NR3C2: variants seen among roughly 807,000 people sequenced by gnomAD.
The protein encoded by NR3C2 is nuclear receptor subfamily 3 group C member 2, also known as mineralocorticoid receptor.
NR3C2 carries 15 observed loss-of-function variants against 86.4 expected under a neutral mutation model. That is an observed-to-expected ratio of 0.17 (90% CI 0.12 to 0.27). The LOEUF (loss-of-function observed/expected upper bound fraction) is 0.27. Among genes scored for constraint, NR3C2 ranks in the 10% least tolerant of loss-of-function variants. The pLI is 1.00. For synonymous variants in NR3C2, 458 were observed against 450.5 expected, an observed-to-expected ratio of 1.02 and a Z score of -0.21; for missense variants, 960 against 1,195.6, an observed-to-expected ratio of 0.80 and a Z score of 2.91.
intron 4 of NR3C2, among the ~76,000 whole-genome samples, chr4:148,155,139 C>T (rs1734304462): frequency 6.6e-6 from 1 of 152,152 alleles, no homozygotes; most frequent in South Asian, 2.1e-4. Flanking sequence ...TGCCTGTCTC[C>T]TATAAGAGAC....
chr4:148,231,976 G>A (rs367849204), intron 3 of NR3C2, among the ~76,000 whole-genome samples: 2 of 151,928 alleles, frequency 1.3e-5, no homozygotes, highest in African/African-American at 2.4e-5. Flanking sequence ...ACATCTTCAC[G>A]GTCCACTTCT....
upstream of NR3C2, chr4:148,444,772 G>T (rs1295020633): frequency 1.0e-6 from 1 of 984,898 alleles, no homozygotes; most frequent in Non-Finnish European, 1.2e-6. Context: ...GCACCCGCCC[G>T]CCCCCAGCGG....
At chr4:148,399,645 C>T (rs991807008) in intron 2 of NR3C2, among the ~76,000 whole-genome samples, 3 of 151,592 alleles carry the variant, frequency 2.0e-5, no homozygotes, top group African/African-American at 7.3e-5. Context: ...CATAAACAAA[C>T]ACTACTCTCC....
At chr4:148,440,634 A>T (rs1450723748) in intron 1 of NR3C2, among the ~76,000 whole-genome samples, 1 of 152,240 alleles carries the variant, frequency 6.6e-6, no homozygotes, top group Non-Finnish European at 1.5e-5. Context: ...CAAAACACAA[A>T]AAAAAATTCA....
chr4:148,444,613 T>G (rs2126679639), upstream of NR3C2: 1 of 987,848 alleles, frequency 1.0e-6, no homozygotes, highest in Middle Eastern at 5.2e-4. Context: ...CACCAGCAAG[T>G]CCAATATTGG....
At position 148,153,334 on chromosome 4, in the gene NR3C2, C is replaced by T. The variant is rs998018970; in HGVS notation, c.2366-721G>A. Reference sequence around the variant, plus strand: ...CTGGGGTTACAGGTGCCTGCCAGGACGCCCAACTAAATTTTGTATTTTTAG... The same window carrying T: ...CTGGGGTTACAGGTGCCTGCCAGGATGCCCAACTAAATTTTGTATTTTTAG... On this transcript the variant is annotated intron_variant, in intron 5 of 8. Transcript: ENST00000358102. Among the ~76,000 whole-genome samples, 4 of 152,060 alleles carry T rather than the reference C, an allele frequency of 2.6e-5. No homozygotes were observed. The South Asian group carries it at 6.2e-4, about 24-fold the overall frequency.
intron 4 of NR3C2, among the ~76,000 whole-genome samples, chr4:148,159,935 T>C (rs1734579819): frequency 6.6e-6 from 1 of 152,196 alleles, no homozygotes; most frequent in Admixed American, 6.5e-5. Flanking sequence ...TGTTCCCAGG[T>C]GGCCAGACCC....
chr4:148,107,927 T>C lies in NR3C2; in HGVS notation c.2799+6177A>G, dbSNP rs148866077. Among the ~76,000 whole-genome samples the C allele has an allele frequency of 4.2e-3, 637 of 152,212 alleles. 4 individuals carry two copies. Among genetic ancestry groups the C allele is most frequent in the African/African-American group, 0.015 (607 of 41,516 alleles). On this transcript the variant is annotated intron_variant, in intron 8 of 8. Transcript: ENST00000358102. The stretch of plus-strand genomic sequence containing the variant: ...GCTTAAAACCTAGATGATGGGTTGA[T>C]AGGTGCAGCAAACCACCATGGCACA...
intron 2 of NR3C2, among the ~76,000 whole-genome samples, chr4:148,427,599 G>A (rs573734377): frequency 1.4e-4 from 21 of 151,872 alleles, no homozygotes; most frequent in South Asian, 1.0e-3. Context: ...AGCCCAGCAC[G>A]GGAGTCTGTG....
chr4:148,230,927 A>G (rs915407652), intron 3 of NR3C2, among the ~76,000 whole-genome samples: 6 of 152,272 alleles, frequency 3.9e-5, no homozygotes, highest in Non-Finnish European at 8.8e-5. Context: ...AAATTTAAGT[A>G]TCGATTACTG....
At chr4:148,384,395 T>C (rs1367354378) in intron 2 of NR3C2, among the ~76,000 whole-genome samples, 1 of 152,158 alleles carries the variant, frequency 6.6e-6, no homozygotes, top group Non-Finnish European at 1.5e-5. Context: ...ATCATGAGAA[T>C]TGTATTACTG....
chr4:148,421,793 G>A (rs1211093798), intron 2 of NR3C2, among the ~76,000 whole-genome samples: 2 of 152,038 alleles, frequency 1.3e-5, no homozygotes, highest in East Asian at 3.8e-4. Flanking sequence ...AATCACAGAG[G>A]CTAGGCCATG....
chr4:148,217,674 A>G (rs1367717652), intron 3 of NR3C2, among the ~76,000 whole-genome samples: 1 of 152,136 alleles, frequency 6.6e-6, no homozygotes, highest in Non-Finnish European at 1.5e-5. Context: ...CCTCTTATCC[A>G]TTTACATTTT....
intron 2 of NR3C2, among the ~76,000 whole-genome samples, chr4:148,286,102 C>T (rs938369212): frequency 6.6e-6 from 1 of 152,160 alleles, no homozygotes; most frequent in African/African-American, 2.4e-5. Flanking sequence ...AAAATGTTTG[C>T]TTTATCTAAA....
At chr4:148,354,124 A>G (rs1745435991) in intron 2 of NR3C2, among the ~76,000 whole-genome samples, 1 of 152,060 alleles carries the variant, frequency 6.6e-6, no homozygotes, top group African/African-American at 2.4e-5. Context: ...CAGCAAGACC[A>G]TCTATTCCCT....
intron 2 of NR3C2, among the ~76,000 whole-genome samples, chr4:148,356,493 A>G (rs1745554987): frequency 6.6e-6 from 1 of 152,218 alleles, no homozygotes; most frequent in Non-Finnish European, 1.5e-5. Flanking sequence ...AAGGTGTCAC[A>G]TCTATGCTAT....
At chr4:148,337,593 T>C (rs1228645181) in intron 2 of NR3C2, among the ~76,000 whole-genome samples, 6 of 152,242 alleles carry the variant, frequency 3.9e-5, no homozygotes, top group Non-Finnish European at 5.9e-5. Context: ...TAAACATTTA[T>C]CTATTTTGTT....
intron 2 of NR3C2, among the ~76,000 whole-genome samples, chr4:148,302,081 A>G (rs1212873071): frequency 6.6e-6 from 1 of 152,208 alleles, no homozygotes; most frequent in Non-Finnish European, 1.5e-5. Context: ...ACATTTTGTT[A>G]TTCACAGATA....
At chr4:148,261,318 C>T (rs111543265) in intron 2 of NR3C2, among the ~76,000 whole-genome samples, 523 of 127,498 alleles carry the variant, frequency 4.1e-3, no homozygotes, top group Middle Eastern at 8.4e-3. Context: ...CTATGGTAAG[C>T]GCTATGGTGC....
Sources: gnomAD v4.1 joint callset for allele counts (sites outside exome capture counted in the v4.1 genomes callset) on GRCh38, gnomAD v4.1.1 for gene constraint, MANE v1.5 for transcripts, NCBI Gene and HGNC (gene_info 2026-07-23, HGNC 2026-07-21) for gene names.